Variants in TJP1 observed in about 807,000 individuals in gnomAD.
The protein encoded by TJP1 is tight junction protein ZO-1.
Under a neutral mutation model 194.2 loss-of-function variants are expected in TJP1, and 43 were observed. The observed-to-expected ratio is 0.22, with a 90% confidence interval of 0.17 to 0.29. The LOEUF (loss-of-function observed/expected upper bound fraction) is 0.29. Among genes scored for constraint, TJP1 ranks in the 10% least tolerant of loss-of-function variants. TJP1 has a pLI of 1.00. For synonymous variants in TJP1, 801 were observed against 779.0 expected (o/e 1.03, Z -0.47); for missense variants, 1,971 against 2,185.7 (o/e 0.90, Z 1.96).
intron 2 of TJP1, among the ~76,000 whole-genome samples, chr15:29,929,940 G>T (rs960818364): frequency 8.9e-4 from 136 of 152,112 alleles, no homozygotes; most frequent in African/African-American, 2.9e-3. Flanking sequence ...TTTTGAAAAA[G>T]AATACTATGA....
At chr15:29,929,636 G>T (rs2054639533) in intron 2 of TJP1, among the ~76,000 whole-genome samples, 1 of 152,156 alleles carries the variant, frequency 6.6e-6, no homozygotes, top group African/African-American at 2.4e-5. Context: ...GGTGGCGGTT[G>T]CAGTGAGCTA....
intron 4 of TJP1, among the ~76,000 whole-genome samples, chr15:29,770,693 A>G (rs1173819001): frequency 1.3e-5 from 2 of 150,366 alleles, no homozygotes; most frequent in African/African-American, 4.9e-5. Flanking sequence ...AAAAAAAAAG[A>G]AAAAAACCAA....
At chr15:29,933,386 T>C (rs2054781952) in intron 2 of TJP1, among the ~76,000 whole-genome samples, 1 of 152,042 alleles carries the variant, frequency 6.6e-6, no homozygotes. Context: ...GAATAATATG[T>C]TGGGAAAAAT....
rs531956051 is a variant in TJP1 at position 29,732,726 on chromosome 15, C to A, written c.1826G>T (p.Ser609Ile). ...ADFWRFRGLR[S>I]SKRNLRKSRE... is the part of the protein sequence containing the mutation. ...GCTTTTTCGAAGATTTCTCTTGGAG[C>A]TGCGAAGACCTCTGAATCTCCAGAA... Residue 609 changes from serine to isoleucine, a missense_variant, in exon 14 of 28, where the codon AGC becomes ATC. Physicochemically the swap from Ser to Ile is moderately radical, Grantham distance 142. Around this residue, in one of 5 missense-constraint regions of TJP1, gnomAD observed 402 missense variants for 484.2 expected, o/e 0.83. Transcript: ENST00000614355. 1.9e-6 allele frequency: 3 copies of A among 1,614,166 alleles called. No homozygotes were observed. The highest frequency in any genetic ancestry group is 1.1e-5 in the South Asian group (1 of 91,080).
At chr15:29,812,018 T>A (rs1295507645) in intron 1 of TJP1, among the ~76,000 whole-genome samples, 1 of 152,226 alleles carries the variant, frequency 6.6e-6, no homozygotes, top group Non-Finnish European at 1.5e-5. Flanking sequence ...ACAGCTAACA[T>A]AATAGCTTAG....
intron 2 of TJP1, among the ~76,000 whole-genome samples, chr15:29,840,596 G>A (rs541150375): frequency 2.6e-5 from 4 of 152,010 alleles, no homozygotes; most frequent in East Asian, 2.0e-4. Flanking sequence ...CCCCATCCCC[G>A]CCCATCCTGC....
chr15:29,705,212 G>A (rs866754019), intron 26 of TJP1, among the ~76,000 whole-genome samples: 4 of 152,218 alleles, frequency 2.6e-5, no homozygotes, highest in Admixed American at 6.5e-5. Context: ...CTCCAGAGAC[G>A]CAAAGGCTGA....
chr15:29,719,275 A>T (rs1447140981), intron 20 of TJP1, 137 bp from the exon 21 acceptor site: 5 of 1,104,494 alleles, frequency 4.5e-6, no homozygotes, highest in Non-Finnish European at 6.1e-6. Context: ...AGGATAGACA[A>T]GATTAGTGGA....
chr15:29,826,156 AAAG>A (rs56187529), upstream of TJP1, among the ~76,000 whole-genome samples: 96,915 of 150,226 alleles, frequency 0.65, 31,844 homozygotes, highest in East Asian at 0.73. Flanking sequence ...TTTTTTTTAA[AAAG>A]AAGACATAAA....
chr15:29,821,715 G>C (rs951685713), intron 1 of TJP1, among the ~76,000 whole-genome samples: 5 of 152,132 alleles, frequency 3.3e-5, no homozygotes, highest in African/African-American at 1.2e-4. Context: ...CCCTCAGCGA[G>C]CCGCAGCCAG....
intron 1 of TJP1, among the ~76,000 whole-genome samples, chr15:29,966,109 C>A (rs1331763466): frequency 1.3e-5 from 2 of 152,136 alleles, no homozygotes; most frequent in African/African-American, 2.4e-5. Flanking sequence ...GAAGCAGAAC[C>A]CCAATGATGG....
intron 2 of TJP1, among the ~76,000 whole-genome samples, chr15:29,919,077 C>G (rs1055855156): frequency 6.6e-6 from 1 of 152,204 alleles, no homozygotes; most frequent in African/African-American, 2.4e-5. Flanking sequence ...GAGCAAAAAG[C>G]AGGTCATGCA....
intron 1 of TJP1, among the ~76,000 whole-genome samples, chr15:29,965,280 G>A (rs1396343093): frequency 6.6e-6 from 1 of 151,856 alleles, no homozygotes; most frequent in Admixed American, 6.6e-5. Context: ...TACAATCTCG[G>A]CTCACTGCAA....
At position 29,701,645 on chromosome 15, in the gene TJP1, T is replaced by G; in HGVS notation, c.5257A>C (p.Asn1753His). 1 of 1,614,138 alleles carries G rather than the reference T, an allele frequency of 6.2e-7. No individual in the cohort carries two copies. ...ACACAGTTTGCTCCAACGAGATAAT[T>G]TGGATCTCCGGGAAGACACTTGTTT... The part of the protein sequence containing the change: ...WQNKCLPGDP[N>H]YLVGANCVSV... Residue 1753 changes from asparagine to histidine, a missense_variant, in exon 28 of 28, where the codon AAT (asparagine) becomes CAT (histidine). Asn to His is a moderately conservative substitution (Grantham distance 68, BLOSUM62 1). Coordinates refer to ENST00000614355, the MANE Select transcript of TJP1 (RefSeq NM_001330239.4).
At chr15:29,829,545 C>T (rs999297849) in intron 2 of TJP1, among the ~76,000 whole-genome samples, 1 of 151,000 alleles carries the variant, frequency 6.6e-6, no homozygotes, top group Admixed American at 6.6e-5. Context: ...GCCTCAAACA[C>T]TAAGGGGAGA....
chr15:29,913,578 A>G (rs1444357876), intron 2 of TJP1, among the ~76,000 whole-genome samples: 1 of 152,188 alleles, frequency 6.6e-6, no homozygotes, highest in Non-Finnish European at 1.5e-5. Context: ...GTGCATCAAG[A>G]TGCAGCAGGA....
intron 2 of TJP1, among the ~76,000 whole-genome samples, chr15:29,913,636 C>G (rs943168530): frequency 6.6e-6 from 1 of 151,996 alleles, no homozygotes; most frequent in Non-Finnish European, 1.5e-5. Context: ...TTATGAAGAT[C>G]GCATTTCTGG....
At chr15:29,949,517 TCCACCACCA>T (rs2055497492) in intron 2 of TJP1, among the ~76,000 whole-genome samples, 2 of 20,758 alleles carry the variant, frequency 9.6e-5, no homozygotes, top group Non-Finnish European at 8.8e-5. Context: ...CACCTCCACC[TCCACCACCA>T]CCACCTCCAC....
At chr15:29,777,988 G>A (rs1008481142) in intron 2 of TJP1, among the ~76,000 whole-genome samples, 28 of 151,838 alleles carry the variant, frequency 1.8e-4, no homozygotes, top group African/African-American at 5.3e-4. Flanking sequence ...CATCTTGTTT[G>A]GTAGTTATTT....
Sources: allele counts gnomAD v4.1 joint callset (sites outside exome capture counted in the v4.1 genomes callset), GRCh38; gene constraint gnomAD v4.1.1; regional missense constraint gnomAD v4.1.1; transcripts MANE v1.5; gene names NCBI Gene and HGNC (gene_info 2026-07-23, HGNC 2026-07-21).